The following SYNDIG1 variants were observed in gnomAD, a reference collection of about 807,000 sequenced individuals.
SYNDIG1 encodes the protein synapse differentiation-inducing gene protein 1.
In SYNDIG1, 9 loss-of-function variants were observed where a neutral mutation model predicts 19.4. That is an observed-to-expected ratio of 0.46 (90% CI 0.28 to 0.81). SYNDIG1 has a LOEUF of 0.81. SYNDIG1 is among the 30% of genes least tolerant of loss of function. The probability of loss-of-function intolerance (pLI) is 0.12; values close to 1 mark genes in which losing one functional copy is unlikely to be tolerated. For missense variants in SYNDIG1, 311 were observed against 343.3 expected (o/e 0.91, Z 0.74); for synonymous variants, 141 against 145.9 (o/e 0.97, Z 0.24).
chr20:24,594,189 A>G (rs76462299), intron 3 of SYNDIG1, among the ~76,000 whole-genome samples: 4,635 of 152,272 alleles, frequency 0.03, 150 homozygotes, highest in African/African-American at 0.083. Context: ...TCTTTAATCC[A>G]TCTTGAATTC....
intron 3 of SYNDIG1, among the ~76,000 whole-genome samples, chr20:24,603,889 C>A (rs2058715072): frequency 6.6e-6 from 1 of 152,166 alleles, no homozygotes; most frequent in Non-Finnish European, 1.5e-5. Context: ...GGAGTTCATT[C>A]TCCTCCACTC....
chr20:24,473,471 C>T (rs2055529324), intron 1 of SYNDIG1, among the ~76,000 whole-genome samples: 1 of 152,138 alleles, frequency 6.6e-6, no homozygotes, highest in Non-Finnish European at 1.5e-5. Flanking sequence ...GTGCAAGATG[C>T]CCATTTTGAA....
chr20:24,515,016 T>A (rs1452191481), intron 1 of SYNDIG1, among the ~76,000 whole-genome samples: 2 of 152,190 alleles, frequency 1.3e-5, no homozygotes, highest in Non-Finnish European at 2.9e-5. Context: ...AACCTGCTCC[T>A]GAATGACTAC....
chr20:24,505,559 A>C (rs1006971076), intron 1 of SYNDIG1, among the ~76,000 whole-genome samples: 1 of 152,236 alleles, frequency 6.6e-6, no homozygotes, highest in Non-Finnish European at 1.5e-5. Flanking sequence ...CATTTTTAAT[A>C]AAATTTAAAT....
At chr20:24,653,280 C>T (rs1355699584) in intron 3 of SYNDIG1, among the ~76,000 whole-genome samples, 1 of 152,124 alleles carries the variant, frequency 6.6e-6, no homozygotes, top group Admixed American at 6.5e-5. Flanking sequence ...TGCAAGCCCC[C>T]ATGACAACAG....
intron 2 of SYNDIG1, among the ~76,000 whole-genome samples, chr20:24,567,083 T>TAA (rs2058057344): frequency 1.3e-5 from 2 of 152,146 alleles, no homozygotes; most frequent in Non-Finnish European, 2.9e-5. Flanking sequence ...TTAGTTCAGC[T>TAA]AAAGACAGGG....
chr20:24,584,344 C>T (rs1391086533), intron 2 of SYNDIG1, among the ~76,000 whole-genome samples: 1 of 152,244 alleles, frequency 6.6e-6, no homozygotes, highest in African/African-American at 2.4e-5. Flanking sequence ...TTGCCTTGTC[C>T]TTGTCCGCTA....
At chr20:24,638,337 GA>G (rs2059336456) in intron 3 of SYNDIG1, among the ~76,000 whole-genome samples, 2 of 152,142 alleles carry the variant, frequency 1.3e-5, no homozygotes, top group Admixed American at 1.3e-4. Context: ...GGTAAAAATA[GA>G]AATTGTTTTA....
At chr20:24,549,611 C>T in intron 2 of SYNDIG1, among the ~76,000 whole-genome samples, 1 of 152,166 alleles carries the variant, frequency 6.6e-6, no homozygotes, top group East Asian at 1.9e-4. Context: ...ACTGCAACCC[C>T]ACTGTTACAA....
At chr20:24,549,703 G>T (rs2057666630) in intron 2 of SYNDIG1, among the ~76,000 whole-genome samples, 1 of 152,190 alleles carries the variant, frequency 6.6e-6, no homozygotes, top group African/African-American at 2.4e-5. Context: ...AAGGACAGAG[G>T]GCTGGATCCA....
At position 24,626,946 on chromosome 20, in the gene SYNDIG1, C is replaced by T. The variant is rs368024881; in HGVS notation, c.619-38400C>T. On this transcript the variant is annotated intron_variant, in intron 3 of 3. Transcript: ENST00000376862. ...CGAAAACCAGTCAGGCGTGGCGGCGCGCGCCTGCAATCGCAGGCACTCGGC... is the reference window on the plus strand; with the variant it reads ...CGAAAACCAGTCAGGCGTGGCGGCGTGCGCCTGCAATCGCAGGCACTCGGC... Among the ~76,000 whole-genome samples the T allele has an allele frequency of 3.3e-5, 5 of 152,222 alleles. No homozygotes were observed. In the East Asian group the frequency reaches 7.7e-4, roughly 24 times the overall value.
chr20:24,638,946 G>A (rs1260438968), intron 3 of SYNDIG1, among the ~76,000 whole-genome samples: 1 of 152,206 alleles, frequency 6.6e-6, no homozygotes, highest in African/African-American at 2.4e-5. Context: ...CTTGTGCTGA[G>A]ATGGCAACCT....
intron 3 of SYNDIG1, among the ~76,000 whole-genome samples, chr20:24,615,763 G>A (rs1463000295): frequency 3.3e-5 from 5 of 152,084 alleles, no homozygotes; most frequent in Admixed American, 2.0e-4. Context: ...GCTGCTGCCC[G>A]AAGTTCTTAA....
intron 3 of SYNDIG1, among the ~76,000 whole-genome samples, chr20:24,638,299 A>G (rs1600810408): frequency 1.3e-5 from 2 of 152,230 alleles, no homozygotes; most frequent in Non-Finnish European, 2.9e-5. Flanking sequence ...GTTTGCATAT[A>G]TATATTAAGA....
chr20:24,490,140 CAG>C (rs1031929482), intron 1 of SYNDIG1, among the ~76,000 whole-genome samples: 6 of 152,212 alleles, frequency 3.9e-5, no homozygotes, highest in African/African-American at 9.6e-5. Flanking sequence ...TGGGCAGTGA[CAG>C]GGGCAGGGCA....
chr20:24,518,242 TG>T (rs1426937867), intron 1 of SYNDIG1, among the ~76,000 whole-genome samples: 1 of 151,968 alleles, frequency 6.6e-6, no homozygotes. Flanking sequence ...TCTTCAAGGA[TG>T]GGGGCCTGTG....
chr20:24,584,031 A>C (rs2058371950), intron 2 of SYNDIG1, among the ~76,000 whole-genome samples: 1 of 152,192 alleles, frequency 6.6e-6, no homozygotes. Context: ...AACCTAAAAA[A>C]AACTTTTTAA....
intron 2 of SYNDIG1, among the ~76,000 whole-genome samples, chr20:24,582,695 G>A (rs934296024): frequency 2.6e-5 from 4 of 152,048 alleles, no homozygotes; most frequent in African/African-American, 9.7e-5. Flanking sequence ...TTCCCCCTTA[G>A]CCATAATGAT....
intron 1 of SYNDIG1, among the ~76,000 whole-genome samples, chr20:24,512,850 G>A (rs527964334): frequency 2.5e-4 from 38 of 152,312 alleles, no homozygotes; most frequent in Non-Finnish European, 3.2e-4. Context: ...CCTGACCCCC[G>A]AGTAGCCTAA....
Sources: gnomAD v4.1 joint callset for allele counts (sites outside exome capture counted in the v4.1 genomes callset) on GRCh38, gnomAD v4.1.1 for gene constraint, MANE v1.5 for transcripts, NCBI Gene and HGNC (gene_info 2026-07-23, HGNC 2026-07-21) for gene names.